GLIS3: variants seen among roughly 807,000 people sequenced by gnomAD.
GLIS3 encodes the protein GLIS family zinc finger 3, also known as zinc finger protein GLIS3.
A neutral mutation model predicts 78.6 loss-of-function variants in GLIS3; 53 were observed. The observed-to-expected ratio is 0.67, with a 90% CI of 0.54 to 0.85. The LOEUF is 0.85. Among genes scored for constraint, GLIS3 ranks in the 40% least tolerant of loss-of-function variants. The pLI, the probability that GLIS3 is intolerant of heterozygous loss-of-function variation, is 0.00. For missense variants in GLIS3, 1,703 were observed against 1,231.1 expected (o/e 1.38, Z -5.74); for synonymous variants, 684 against 509.9 (o/e 1.34, Z -4.60).
chr9:4,342,053 G>A (rs575773596), intron 2 of GLIS3, among the ~76,000 whole-genome samples: 1 of 152,312 alleles, frequency 6.6e-6, no homozygotes, highest in South Asian at 2.1e-4. Flanking sequence ...TAGTTTGTCT[G>A]TTTAATCTGT....
At chr9:4,257,297 A>G (rs969524659) in intron 2 of GLIS3, among the ~76,000 whole-genome samples, 7 of 152,170 alleles carry the variant, frequency 4.6e-5, no homozygotes, top group African/African-American at 1.7e-4. Flanking sequence ...AAAATTGAAT[A>G]CAGTACATAG....
At chr9:3,981,670 G>T (rs1819298977) in intron 4 of GLIS3, among the ~76,000 whole-genome samples, 1 of 152,192 alleles carries the variant, frequency 6.6e-6, no homozygotes. Flanking sequence ...CTGCTTTGCA[G>T]TGAGATGATA....
chr9:4,050,465 G>T (rs945442304), intron 4 of GLIS3, among the ~76,000 whole-genome samples: 1 of 152,104 alleles, frequency 6.6e-6, no homozygotes, highest in Non-Finnish European at 1.5e-5. Flanking sequence ...GGGTCTGGGG[G>T]AGGGATAGCG....
chr9:4,311,059 G>A (rs940673267), intron 2 of GLIS3, among the ~76,000 whole-genome samples: 7 of 152,210 alleles, frequency 4.6e-5, no homozygotes, highest in African/African-American at 7.2e-5. Context: ...TGCCTAATCC[G>A]AAAGCCAGAG....
chr9:3,849,199 CAT>C (rs1305014819), intron 9 of GLIS3, among the ~76,000 whole-genome samples: 1 of 152,204 alleles, frequency 6.6e-6, no homozygotes, highest in Non-Finnish European at 1.5e-5. Flanking sequence ...GATGGGAAAA[CAT>C]GGGGTAGTCT....
chr9:4,486,814 C>G, the GLIS3 span, among the ~76,000 whole-genome samples: 4 of 152,160 alleles, frequency 2.6e-5, no homozygotes, highest in African/African-American at 9.7e-5. Flanking sequence ...CTCAGCCTCC[C>G]AAGTAGTGAG....
At chr9:3,831,870 G>T (rs1432195658) in intron 9 of GLIS3, among the ~76,000 whole-genome samples, 1 of 151,996 alleles carries the variant, frequency 6.6e-6, no homozygotes, top group Non-Finnish European at 1.5e-5. Flanking sequence ...ATACAAAATT[G>T]AATACAAAGC....
chr9:4,110,968 C>T (rs903031663), intron 4 of GLIS3, among the ~76,000 whole-genome samples: 9 of 152,130 alleles, frequency 5.9e-5, no homozygotes, highest in African/African-American at 2.2e-4. Flanking sequence ...GACAACACGA[C>T]CACTCAAAGA....
the GLIS3 span, among the ~76,000 whole-genome samples, chr9:4,439,360 T>C: frequency 6.6e-6 from 1 of 152,180 alleles, no homozygotes; most frequent in East Asian, 1.9e-4. Context: ...TTTTAGAACG[T>C]TTTCCTCATC....
chr9:4,407,529 C>G, the GLIS3 span, among the ~76,000 whole-genome samples: 3 of 152,180 alleles, frequency 2.0e-5, no homozygotes, highest in African/African-American at 7.2e-5. Flanking sequence ...CGCCTGTAGT[C>G]CCAGCTACTC....
chr9:4,192,886 G>A (rs1818457608), intron 2 of GLIS3, among the ~76,000 whole-genome samples: 1 of 152,140 alleles, frequency 6.6e-6, no homozygotes, highest in African/African-American at 2.4e-5. Context: ...GACACTCCAG[G>A]AAGGGAGGTC....
chr9:4,122,418 A>C (rs1391301600), intron 3 of GLIS3, among the ~76,000 whole-genome samples: 1 of 152,194 alleles, frequency 6.6e-6, no homozygotes, highest in African/African-American at 2.4e-5. Context: ...ATTTACAGAG[A>C]GCCTGGAGTG....
intron 4 of GLIS3, among the ~76,000 whole-genome samples, chr9:4,053,188 A>T (rs1271026605): frequency 6.6e-6 from 1 of 152,142 alleles, no homozygotes; most frequent in Non-Finnish European, 1.5e-5. Context: ...GCCTCCAGCA[A>T]TCCACTTGCC....
intron 4 of GLIS3, among the ~76,000 whole-genome samples, chr9:4,017,150 T>C (rs182911840): frequency 2.8e-4 from 43 of 152,278 alleles, no homozygotes; most frequent in African/African-American, 9.6e-4. Flanking sequence ...CACCCAGATA[T>C]CTGCAAAGGT....
intron 4 of GLIS3, among the ~76,000 whole-genome samples, chr9:4,113,757 G>C (rs894953082): frequency 2.0e-5 from 3 of 152,178 alleles, no homozygotes; most frequent in Non-Finnish European, 2.9e-5. Context: ...CATGGTCCCA[G>C]CTCTGTATTT....
At chr9:4,426,052 A>G in the GLIS3 span, among the ~76,000 whole-genome samples, 7 of 152,166 alleles carry the variant, frequency 4.6e-5, no homozygotes, top group African/African-American at 1.7e-4. Flanking sequence ...CGTTCATGCA[A>G]TGCAAAACTT....
intron 4 of GLIS3, among the ~76,000 whole-genome samples, chr9:4,076,920 A>G (rs906268402): frequency 5.3e-5 from 8 of 152,284 alleles, no homozygotes; most frequent in Admixed American, 5.2e-4. Flanking sequence ...TTAGCCATGC[A>G]TGGAAGCACA....
chr9:4,134,875 T>C (rs945442787), intron 2 of GLIS3, among the ~76,000 whole-genome samples: 1 of 152,168 alleles, frequency 6.6e-6, no homozygotes, highest in Non-Finnish European at 1.5e-5. Flanking sequence ...ACAGAGTTCT[T>C]TGCCACACGG....
the GLIS3 span, among the ~76,000 whole-genome samples, chr9:4,486,821 T>G: frequency 1.3e-5 from 2 of 151,872 alleles, no homozygotes; most frequent in Non-Finnish European, 2.9e-5. Context: ...TCCCAAGTAG[T>G]GAGGACTACA....
Sources: gnomAD v4.1 joint callset for allele counts (sites outside exome capture counted in the v4.1 genomes callset) on GRCh38, gnomAD v4.1.1 for gene constraint, MANE v1.5 for transcripts, NCBI Gene and HGNC (gene_info 2026-07-23, HGNC 2026-07-21) for gene names.